The following SPON1 variants were observed in gnomAD, a reference collection of about 807,000 sequenced individuals.
SPON1 encodes spondin 1, also known as spondin-1.
SPON1 carries 52 observed loss-of-function variants against 111.7 expected under a neutral mutation model. That is an observed-to-expected ratio of 0.47 (90% CI 0.37 to 0.59). The LOEUF (loss-of-function observed/expected upper bound fraction) is 0.59, where lower values mean the gene tolerates loss of function less well. Ranked by LOEUF, SPON1 falls within the 20% of genes least tolerant of loss-of-function variation. The pLI, the probability that SPON1 is intolerant of heterozygous loss-of-function variation, is 0.00. For missense variants in SPON1, 957 were observed against 1,068.5 expected (o/e 0.90, Z 1.46); for synonymous variants, 410 against 395.8 (o/e 1.04, Z -0.43).
intron 6 of SPON1, among the ~76,000 whole-genome samples, chr11:14,179,580 G>A (rs1180245470): frequency 6.6e-6 from 1 of 152,110 alleles, no homozygotes; most frequent in Admixed American, 6.5e-5. Context: ...ATATCTGACT[G>A]GGACTGCCAG....
At chr11:14,055,392 C>T (rs1470547282) in intron 3 of SPON1, among the ~76,000 whole-genome samples, 1 of 152,182 alleles carries the variant, frequency 6.6e-6, no homozygotes, top group Non-Finnish European at 1.5e-5. Context: ...CCGGAGGATC[C>T]TCTAGACAGA....
chr11:13,984,298 G>A (rs1231191682), intron 2 of SPON1, among the ~76,000 whole-genome samples: 1 of 152,088 alleles, frequency 6.6e-6, no homozygotes, highest in Non-Finnish European at 1.5e-5. Flanking sequence ...ACTTGCCTAA[G>A]CTTGCTTATT....
At chr11:14,042,972 C>T (rs1848643465) in intron 3 of SPON1, among the ~76,000 whole-genome samples, 1 of 151,866 alleles carries the variant, frequency 6.6e-6, no homozygotes, top group Admixed American at 6.6e-5. Context: ...TCCTCAGATT[C>T]CTTGAGCAGT....
chr11:14,016,901 T>C (rs1288793672), intron 2 of SPON1, among the ~76,000 whole-genome samples: 1 of 152,212 alleles, frequency 6.6e-6, no homozygotes, highest in African/African-American at 2.4e-5. Flanking sequence ...CCTCCATGTG[T>C]TGCACAGTAG....
chr11:14,166,882 A>T (rs184438273), intron 6 of SPON1, among the ~76,000 whole-genome samples: 1 of 152,230 alleles, frequency 6.6e-6, no homozygotes, highest in Admixed American at 6.5e-5. Flanking sequence ...CCTGCATTTA[A>T]GAGCACCTTA....
Position 14,259,722 on chromosome 11 carries a change from A to G in SPON1, c.1831+21A>G, listed in dbSNP as rs1849151275. 1.9e-6 allele frequency: 3 copies of G among 1,562,042 alleles called. No homozygotes were observed. In the Middle Eastern group the frequency reaches 5.0e-4, roughly 262 times the overall value. ...GTGCCGTGAGTGAGAGCGGGGGTGG[A>G]CTTGGAGGAGGCCACTGGGGACAGG... On this transcript the variant is annotated intron_variant, in intron 13 of 15. Transcript: ENST00000576479. The surrounding 1 kb of genome is among the most constrained non-coding windows in gnomAD (Gnocchi z 5.0).
At chr11:14,229,836 A>G (rs1848776783) in intron 6 of SPON1, among the ~76,000 whole-genome samples, 1 of 152,144 alleles carries the variant, frequency 6.6e-6, no homozygotes, top group South Asian at 2.1e-4. Context: ...CTGCTCCGTG[A>G]GCCACGAAAA....
chr11:14,024,203 G>A (rs376053584), intron 2 of SPON1, among the ~76,000 whole-genome samples: 2 of 152,144 alleles, frequency 1.3e-5, no homozygotes, highest in African/African-American at 4.8e-5. Context: ...GAGTGCTTAC[G>A]ACTCTTGAAG....
chr11:14,070,952 G>C (rs1848871039), intron 3 of SPON1, among the ~76,000 whole-genome samples: 1 of 152,164 alleles, frequency 6.6e-6, no homozygotes, highest in Admixed American at 6.5e-5. Context: ...TAAAGTTTGA[G>C]AAGATAACAT....
intron 2 of SPON1, among the ~76,000 whole-genome samples, chr11:13,990,133 A>T (rs1316671003): frequency 6.6e-6 from 1 of 152,014 alleles, no homozygotes; most frequent in African/African-American, 2.4e-5. Flanking sequence ...TCTGTCTAAT[A>T]TTGGCAGTGG....
At chr11:14,172,346 T>C (rs574487149) in intron 6 of SPON1, among the ~76,000 whole-genome samples, 35 of 151,968 alleles carry the variant, frequency 2.3e-4, no homozygotes, top group African/African-American at 8.2e-4. Context: ...ATTTGCTTGG[T>C]AGATCTTCCT....
At chr11:14,127,806 C>T (rs569948704) in intron 5 of SPON1, among the ~76,000 whole-genome samples, 1 of 152,334 alleles carries the variant, frequency 6.6e-6, no homozygotes, top group East Asian at 1.9e-4. Flanking sequence ...GTAATTGACT[C>T]ACAGTTCCGC....
At position 14,228,631 on chromosome 11, in the gene SPON1, T is replaced by C. The variant is rs1056793759; in HGVS notation, c.826-14701T>C. 3.9e-5 allele frequency among the ~76,000 whole-genome samples: 6 copies of C among 152,194 alleles called. No individual in the cohort carries two copies. The highest frequency in any genetic ancestry group is 5.9e-5 in the Non-Finnish European group (4 of 68,032). ...CCTGGAAGGAAGTTTGACCTCACAT[T>C]AGGCTGTGTTATCTAGCCAATGCCA... On this transcript the variant is annotated intron_variant, in intron 6 of 15. Coordinates refer to ENST00000576479, the MANE Select transcript of SPON1 (RefSeq NM_006108.4). The surrounding 1 kb of genome is among the most constrained non-coding windows in gnomAD (Gnocchi z 4.2).
chr11:14,163,845 C>T (rs1012970421), intron 6 of SPON1, among the ~76,000 whole-genome samples: 7 of 151,950 alleles, frequency 4.6e-5, no homozygotes, highest in Non-Finnish European at 8.8e-5. Flanking sequence ...ATTCCCTCCC[C>T]CGCTTTAGCA....
At chr11:14,031,947 T>C (rs966072228) in intron 2 of SPON1, among the ~76,000 whole-genome samples, 1 of 152,186 alleles carries the variant, frequency 6.6e-6, no homozygotes, top group Non-Finnish European at 1.5e-5. Flanking sequence ...AATAATAAAC[T>C]ACATTAATTT....
intron 6 of SPON1, among the ~76,000 whole-genome samples, chr11:14,146,954 T>G (rs1373652913): frequency 6.8e-6 from 1 of 146,346 alleles, no homozygotes; most frequent in East Asian, 2.1e-4. Context: ...GCTCCAAATA[T>G]ATCAAAAATT....
chr11:14,123,864 G>A (rs1040243008), intron 5 of SPON1, among the ~76,000 whole-genome samples: 1 of 152,182 alleles, frequency 6.6e-6, no homozygotes, highest in Non-Finnish European at 1.5e-5. Flanking sequence ...CATCTCTTGT[G>A]TTTCCCTTCT....
At position 14,240,589 on chromosome 11, in the gene SPON1, T is replaced by TTGTGTGTGTGTG. The variant is rs56265194; in HGVS notation, c.826-2707_826-2696dup. 4.4e-3 allele frequency among the ~76,000 whole-genome samples: 619 copies of TTGTGTGTGTGTG among 140,318 alleles called. 4 individuals are homozygous for TTGTGTGTGTGTG. The highest frequency in any genetic ancestry group is 6.7e-3 in the East Asian group (32 of 4,766). 92.1% of individuals were successfully genotyped at this position (140,318 alleles called of 152,430 possible). A position where few individuals can be genotyped will look rare whatever the true frequency, so the allele number is the denominator to read the frequency against. On this transcript the variant is annotated intron_variant, in intron 6 of 15. Transcript: ENST00000576479. ...TTGGCCAAAAGGCCAAGAAGCAATATTGTGTGTGTGTGTGTGTGTGTGTGT... is the reference window on the plus strand; with the variant it reads ...TTGGCCAAAAGGCCAAGAAGCAATATTGTGTGTGTGTGTGTGTGTGTGTGTGTGTGTGTGTGT...
At chr11:13,971,204 C>CAG (rs1848060753) in intron 1 of SPON1, among the ~76,000 whole-genome samples, 1 of 152,142 alleles carries the variant, frequency 6.6e-6, no homozygotes, top group Non-Finnish European at 1.5e-5. Flanking sequence ...AGGCTGAGGG[C>CAG]AGATGGCCTG....
Sources: allele counts gnomAD v4.1 joint callset (sites outside exome capture counted in the v4.1 genomes callset), GRCh38; gene constraint gnomAD v4.1.1; non-coding constraint Gnocchi (gnomAD v3.1); transcripts MANE v1.5; gene names NCBI Gene and HGNC (gene_info 2026-07-23, HGNC 2026-07-21).